The following NEK10 variants were observed in gnomAD, a reference collection of about 807,000 sequenced individuals.
NEK10 encodes serine/threonine-protein kinase Nek10.
A neutral mutation model predicts 159.8 loss-of-function variants in NEK10; 122 were observed. The ratio of observed to expected loss-of-function variants is 0.76; its 90% CI spans 0.66 to 0.89. The LOEUF (loss-of-function observed/expected upper bound fraction) is 0.89. NEK10 is among the 40% of genes least tolerant of loss of function. The probability of loss-of-function intolerance (pLI) is 0.00; values close to 1 mark genes in which losing one functional copy is unlikely to be tolerated. For missense variants in NEK10, 1,342 were observed against 1,323.1 expected (o/e 1.01, Z -0.22); for synonymous variants, 466 against 457.1 (o/e 1.02, Z -0.25).
intron 29 of NEK10, among the ~76,000 whole-genome samples, chr3:27,165,160 T>C (rs562777427): frequency 6.6e-6 from 1 of 152,296 alleles, no homozygotes; most frequent in Admixed American, 6.5e-5. Context: ...TGAAAATAAA[T>C]AGTTTCCACA....
intron 3 of NEK10, among the ~76,000 whole-genome samples, chr3:27,348,222 T>G (rs566698479): frequency 6.6e-6 from 1 of 152,254 alleles, no homozygotes; most frequent in East Asian, 1.9e-4. Context: ...CCCAAGAGAT[T>G]CTAAACCCCC....
chr3:27,362,010 G>C (rs1201832817), intron 1 of NEK10, among the ~76,000 whole-genome samples: 1 of 152,070 alleles, frequency 6.6e-6, no homozygotes, highest in Non-Finnish European at 1.5e-5. Flanking sequence ...ATTTTTTAAT[G>C]GTTTAGGCAA....
At chr3:27,248,854 C>A (rs1955364721) in intron 23 of NEK10, among the ~76,000 whole-genome samples, 1 of 152,162 alleles carries the variant, frequency 6.6e-6, no homozygotes, top group South Asian at 2.1e-4. Context: ...TATTCTGTAA[C>A]TATCCATTAG....
At chr3:27,114,034 G>C (rs1271036444) in intron 35 of NEK10, among the ~76,000 whole-genome samples, 2 of 152,154 alleles carry the variant, frequency 1.3e-5, no homozygotes, top group African/African-American at 4.8e-5. Flanking sequence ...ATCCATGATA[G>C]TATGCTTATG....
At chr3:27,368,224 G>A (rs1042387802) in intron 1 of NEK10, among the ~76,000 whole-genome samples, 3 of 152,124 alleles carry the variant, frequency 2.0e-5, no homozygotes, top group South Asian at 2.1e-4. Flanking sequence ...CCCGGAAGGC[G>A]GAGGCTGCAG....
intron 32 of NEK10, among the ~76,000 whole-genome samples, chr3:27,127,329 T>C (rs1002044321): frequency 6.6e-5 from 10 of 152,304 alleles, no homozygotes; most frequent in Non-Finnish European, 1.2e-4. Context: ...TCCTGAATAC[T>C]GTCATGCACT....
intron 29 of NEK10, among the ~76,000 whole-genome samples, chr3:27,169,286 A>G (rs1205915731): frequency 2.0e-5 from 3 of 152,180 alleles, no homozygotes; most frequent in Non-Finnish European, 2.9e-5. Flanking sequence ...GCAAGCCCTA[A>G]AGATCCTTTG....
chr3:27,199,064 C>A (rs1172352338), intron 25 of NEK10, among the ~76,000 whole-genome samples: 11 of 130,222 alleles, frequency 8.4e-5, no homozygotes, highest in African/African-American at 1.3e-4. Flanking sequence ...CAGAGCAAGA[C>A]TCCATCTCAA....
At chr3:27,260,492 T>C (rs375186502) in intron 22 of NEK10, among the ~76,000 whole-genome samples, 7 of 152,142 alleles carry the variant, frequency 4.6e-5, no homozygotes, top group Admixed American at 3.9e-4. Flanking sequence ...TGGTTTTTGT[T>C]TTTGGTTCTG....
intron 26 of NEK10, among the ~76,000 whole-genome samples, chr3:27,178,924 C>T (rs1025756172): frequency 2.0e-5 from 3 of 152,158 alleles, no homozygotes; most frequent in Non-Finnish European, 4.4e-5. Flanking sequence ...ATCTTTGATC[C>T]TGAAAGTTAG....
chr3:27,260,083 T>C (rs144642480), intron 22 of NEK10, among the ~76,000 whole-genome samples: 66 of 152,356 alleles, frequency 4.3e-4, no homozygotes, highest in African/African-American at 1.5e-3. Flanking sequence ...TCCTGAGACT[T>C]TGCTGAAGTT....
intron 29 of NEK10, among the ~76,000 whole-genome samples, chr3:27,169,793 C>T (rs942055536): frequency 6.6e-6 from 1 of 152,160 alleles, no homozygotes; most frequent in Admixed American, 6.5e-5. Context: ...CTAACACCTG[C>T]TCCCTTCAGC....
At chr3:27,252,089 C>A in intron 23 of NEK10, 2 of 194,720 alleles carry the variant, frequency 1.0e-5, no homozygotes, top group South Asian at 9.0e-5. Context: ...TAAGATTCTG[C>A]TAGTCAACTC....
chr3:27,303,673 G>A (rs1288104851), intron 12 of NEK10, among the ~76,000 whole-genome samples: 1 of 152,148 alleles, frequency 6.6e-6, no homozygotes, highest in African/African-American at 2.4e-5. Flanking sequence ...TGTTAACAAA[G>A]CTACTGTTCA....
chr3:27,123,968 C>T (rs552637713), intron 32 of NEK10, among the ~76,000 whole-genome samples: 1 of 151,868 alleles, frequency 6.6e-6, no homozygotes, highest in African/African-American at 2.4e-5. Flanking sequence ...AGGAGTTAGA[C>T]CTGATTTTGG....
chr3:27,172,094 T>C lies in NEK10; in HGVS notation c.2777-221A>G, dbSNP rs993697718. Among the ~76,000 whole-genome samples the C allele has an allele frequency of 5.3e-5, 8 of 151,964 alleles. 1 individual carries two copies. The highest frequency in any genetic ancestry group is 1.9e-4 in the African/African-American group (8 of 41,370). Reference sequence around the variant, plus strand: ...TGGCTCACACCTGTAATCCCAGCACTTTGTGAGGCCGAGGTAGATGAATCA... The same window carrying C: ...TGGCTCACACCTGTAATCCCAGCACCTTGTGAGGCCGAGGTAGATGAATCA... On this transcript the variant is annotated intron_variant, in intron 28 of 35. Transcript: ENST00000691995.
chr3:27,350,617 T>C (rs191829681), intron 3 of NEK10, among the ~76,000 whole-genome samples: 246 of 152,312 alleles, frequency 1.6e-3, no homozygotes, highest in African/African-American at 5.5e-3. Context: ...ATTACAAATA[T>C]ACATTTTTGT....
intron 23 of NEK10, among the ~76,000 whole-genome samples, chr3:27,227,396 G>T (rs572136373): frequency 3.9e-5 from 6 of 152,300 alleles, no homozygotes; most frequent in African/African-American, 1.4e-4. Flanking sequence ...CAGCTTCTCC[G>T]CGAAGTAGGG....
At chr3:27,297,497 G>C (rs539448152) in intron 13 of NEK10, among the ~76,000 whole-genome samples, 30 of 152,174 alleles carry the variant, frequency 2.0e-4, no homozygotes, top group African/African-American at 7.2e-4. Context: ...CACTTTCTTC[G>C]TACCAGGAGG....
Sources: gnomAD v4.1 joint callset for allele counts (sites outside exome capture counted in the v4.1 genomes callset) on GRCh38, gnomAD v4.1.1 for gene constraint, MANE v1.5 for transcripts, NCBI Gene and HGNC (gene_info 2026-07-23, HGNC 2026-07-21) for gene names.